Variants in MAPK10 observed in about 807,000 individuals in gnomAD.
MAPK10 encodes mitogen-activated protein kinase 10.
A neutral mutation model predicts 59.3 loss-of-function variants in MAPK10; 25 were observed. The observed-to-expected ratio is 0.42, with a 90% CI of 0.31 to 0.59. MAPK10 has a LOEUF of 0.59. MAPK10 is among the 20% of genes least tolerant of loss of function. MAPK10 has a pLI of 0.15. For missense variants in MAPK10, 351 were observed against 568.9 expected, an observed-to-expected ratio of 0.62 and a Z score of 3.90; for synonymous variants, 190 against 200.5, an observed-to-expected ratio of 0.95 and a Z score of 0.44.
At chr4:86,143,217 G>A (rs1166418742) in intron 4 of MAPK10, among the ~76,000 whole-genome samples, 2 of 152,100 alleles carry the variant, frequency 1.3e-5, no homozygotes, top group East Asian at 1.9e-4. Flanking sequence ...AACAGCACGG[G>A]GGAAAATGTC....
chr4:86,208,438 C>T (rs530047025), intron 2 of MAPK10, among the ~76,000 whole-genome samples: 163 of 145,658 alleles, frequency 1.1e-3, no homozygotes, highest in African/African-American at 3.8e-3. Flanking sequence ...GTTCAATATA[C>T]GCAAGTCAAT....
At chr4:86,064,158 A>G (rs963346921) in intron 11 of MAPK10, 108 bp downstream of exon 11, 5 of 1,392,006 alleles carry the variant, frequency 3.6e-6, no homozygotes, top group African/African-American at 1.4e-5. Context: ...GGACTTAGAA[A>G]TTTTATAAAA....
chr4:86,507,615 GAT>G (rs767683551), intron 1 of MAPK10, among the ~76,000 whole-genome samples: 877 of 35,560 alleles, frequency 0.025, 29 homozygotes, highest in South Asian at 0.057. Context: ...ATAAACTGGA[GAT>G]ATATATATAT....
chr4:86,203,728 T>G (rs976411014), intron 2 of MAPK10, among the ~76,000 whole-genome samples: 4 of 150,540 alleles, frequency 2.7e-5, no homozygotes, highest in Non-Finnish European at 5.9e-5. Context: ...ATCATACATA[T>G]GCTTGCAAGC....
chr4:86,431,364 T>C (rs1182144312), intron 1 of MAPK10, among the ~76,000 whole-genome samples: 1 of 152,242 alleles, frequency 6.6e-6, no homozygotes. Flanking sequence ...TTAAAATGAC[T>C]GATATTTTTC....
chr4:86,437,517 C>T (rs1748910327), intron 1 of MAPK10, among the ~76,000 whole-genome samples: 1 of 152,090 alleles, frequency 6.6e-6, no homozygotes, highest in Non-Finnish European at 1.5e-5. Flanking sequence ...ATTCTATTTG[C>T]TAATAACTTA....
At chr4:86,543,145 A>G (rs1940904222) in intron 1 of MAPK10, among the ~76,000 whole-genome samples, 1 of 152,182 alleles carries the variant, frequency 6.6e-6, no homozygotes, top group African/African-American at 2.4e-5. Context: ...CACACTAGAT[A>G]CCTGATCCGT....
intron 1 of MAPK10, among the ~76,000 whole-genome samples, chr4:86,395,429 C>T (rs367684390): frequency 6.6e-6 from 1 of 152,116 alleles, no homozygotes; most frequent in East Asian, 1.9e-4. Context: ...CATGTAGCAT[C>T]TAAGAATTAA....
intron 2 of MAPK10, among the ~76,000 whole-genome samples, chr4:86,225,077 T>C (rs1239945893): frequency 1.3e-5 from 2 of 152,142 alleles, no homozygotes; most frequent in Non-Finnish European, 2.9e-5. Flanking sequence ...CATGCAAGAA[T>C]CCAAATAGGT....
intron 4 of MAPK10, among the ~76,000 whole-genome samples, chr4:86,142,628 A>G (rs751786285): frequency 2.0e-5 from 3 of 152,200 alleles, no homozygotes; most frequent in Non-Finnish European, 4.4e-5. Flanking sequence ...TCTAATCCAT[A>G]TAATGCAGCT....
chr4:86,463,546 C>T (rs758283152), intron 1 of MAPK10, among the ~76,000 whole-genome samples: 2 of 152,174 alleles, frequency 1.3e-5, no homozygotes, highest in African/African-American at 2.4e-5. Flanking sequence ...TTCAATTTCT[C>T]GTGCTGGCTT....
intron 2 of MAPK10, among the ~76,000 whole-genome samples, chr4:86,197,386 T>C (rs1234281809): frequency 6.6e-6 from 1 of 152,200 alleles, no homozygotes; most frequent in Non-Finnish European, 1.5e-5. Flanking sequence ...ATAGGAATGC[T>C]TGTGATTTTT....
intron 13 of MAPK10, among the ~76,000 whole-genome samples, chr4:86,018,083 G>C (rs1744302087): frequency 6.6e-6 from 1 of 152,156 alleles, no homozygotes; most frequent in Non-Finnish European, 1.5e-5. Context: ...AAAGCCTCTG[G>C]CTTATGCAGG....
intron 11 of MAPK10, among the ~76,000 whole-genome samples, chr4:86,055,425 GT>G (rs1434362039): frequency 6.7e-6 from 1 of 149,512 alleles, no homozygotes; most frequent in Non-Finnish European, 1.5e-5. Flanking sequence ...CTCCAAATAG[GT>G]CTTTCCTGAG....
intron 1 of MAPK10, among the ~76,000 whole-genome samples, chr4:86,545,533 A>G (rs1485016889): frequency 6.6e-6 from 1 of 152,208 alleles, no homozygotes; most frequent in African/African-American, 2.4e-5. Context: ...CAATGGCACA[A>G]TGCAGGAAAT....
Position 86,097,053 on chromosome 4 carries a change from G to GAT in MAPK10, c.802+1469_802+1470dup, listed in dbSNP as rs752126164. ...GTCCACATTCAAAAGAATAAAAAAA[G>GAT]ATATATATATTTAACCCAATATATT... On this transcript the variant is annotated intron_variant, in intron 9 of 13. Coordinates refer to ENST00000641462, the MANE Select transcript of MAPK10 (RefSeq NM_138982.4). Among the ~76,000 whole-genome samples the GAT allele has an allele frequency of 4.0e-5, 6 of 151,898 alleles. No individual in the cohort carries two copies. The South Asian group carries it at 6.2e-4, about 16-fold the overall frequency.
chr4:86,040,901 A>G (rs2041383095), intron 11 of MAPK10: 1 of 152,188 alleles, frequency 6.6e-6, no homozygotes, highest in African/African-American at 2.4e-5. Flanking sequence ...AGAAAAGGAG[A>G]GATAAAGTCT....
chr4:86,405,299 A>G (rs921274230), intron 1 of MAPK10, among the ~76,000 whole-genome samples: 2 of 152,200 alleles, frequency 1.3e-5, no homozygotes, highest in Non-Finnish European at 2.9e-5. Flanking sequence ...GTTAAAACTA[A>G]AGGAATTTAC....
chr4:86,518,439 T>C (rs1175242017), intron 1 of MAPK10, among the ~76,000 whole-genome samples: 1 of 152,258 alleles, frequency 6.6e-6, no homozygotes, highest in Admixed American at 6.5e-5. Context: ...TCTTTTGTAA[T>C]TCTGTGGTAT....
Sources: gnomAD v4.1 joint callset for allele counts (sites outside exome capture counted in the v4.1 genomes callset) on GRCh38, gnomAD v4.1.1 for gene constraint, MANE v1.5 for transcripts, NCBI Gene and HGNC (gene_info 2026-07-23, HGNC 2026-07-21) for gene names.